Variants in ZMAT4 observed in about 807,000 individuals in gnomAD.
The protein encoded by ZMAT4 is zinc finger matrin-type 4.
A neutral mutation model predicts 28.7 loss-of-function variants in ZMAT4; 17 were observed. The ratio of observed to expected loss-of-function variants is 0.59; its 90% CI spans 0.41 to 0.89. The LOEUF is 0.89. Ranked by LOEUF, ZMAT4 falls within the 40% of genes least tolerant of loss-of-function variation. ZMAT4 has a pLI of 0.00. For missense variants in ZMAT4, 240 were observed against 283.8 expected (o/e 0.85, Z 1.11); for synonymous variants, 117 against 109.2 (o/e 1.07, Z -0.44).
rs532634170 is a variant in ZMAT4, at chr8:40,846,046, A to G, written c.-4-20366T>C. On this transcript the variant is annotated intron_variant, in intron 1 of 6. Transcript: ENST00000297737. ...AGAGCATCTCTACCACAGCCTTCCC[A>G]AGGTATTAGGAGAGACAGCAGCTGG... is the stretch of plus-strand genomic sequence containing the variant. 3.9e-5 allele frequency among the ~76,000 whole-genome samples: 6 copies of G among 152,244 alleles called. No homozygotes were observed. The South Asian group carries it at 1.2e-3, about 32-fold the overall frequency.
At chr8:40,849,554 C>T (rs1476886109) in intron 1 of ZMAT4, among the ~76,000 whole-genome samples, 1 of 152,150 alleles carries the variant, frequency 6.6e-6, no homozygotes, top group Non-Finnish European at 1.5e-5. Context: ...CACACACCTG[C>T]CTGGATTCTC....
chr8:40,808,845 C>T (rs1815199151), intron 2 of ZMAT4, among the ~76,000 whole-genome samples: 1 of 122,686 alleles, frequency 8.2e-6, no homozygotes, highest in Non-Finnish European at 1.8e-5. Context: ...TGGATGCCAA[C>T]TATTTAAAAA....
intron 6 of ZMAT4, among the ~76,000 whole-genome samples, chr8:40,579,425 C>T (rs1393307522): frequency 6.6e-6 from 1 of 152,122 alleles, no homozygotes; most frequent in East Asian, 1.9e-4. Context: ...TGAGCAGTAT[C>T]CGATAATTAA....
At chr8:40,644,088 A>T (rs1372740120) in intron 5 of ZMAT4, among the ~76,000 whole-genome samples, 1 of 152,186 alleles carries the variant, frequency 6.6e-6, no homozygotes, top group African/African-American at 2.4e-5. Context: ...AGTAGAAAAT[A>T]GGTTGAAGAG....
chr8:40,569,583 C>T (rs1250120839), intron 6 of ZMAT4, among the ~76,000 whole-genome samples: 1 of 152,194 alleles, frequency 6.6e-6, no homozygotes, highest in East Asian at 1.9e-4. Context: ...TTACCCATCC[C>T]TGTTTGCCTG....
intron 4 of ZMAT4, among the ~76,000 whole-genome samples, chr8:40,691,475 G>A (rs549528139): frequency 2.6e-5 from 4 of 151,674 alleles, no homozygotes; most frequent in Non-Finnish European, 5.9e-5. Flanking sequence ...GAATGTCACC[G>A]TGTTCAACCT....
intron 2 of ZMAT4, among the ~76,000 whole-genome samples, chr8:40,797,680 G>A (rs962889957): frequency 6.6e-6 from 1 of 152,168 alleles, no homozygotes; most frequent in African/African-American, 2.4e-5. Flanking sequence ...CAGGTCATCG[G>A]AAGAAAGAAA....
chr8:40,567,291 G>A (rs957094695), intron 6 of ZMAT4, among the ~76,000 whole-genome samples: 5 of 152,080 alleles, frequency 3.3e-5, no homozygotes. Flanking sequence ...AAAATACATG[G>A]TTCCTATTTG....
chr8:40,677,791 A>C (rs1030462178), intron 4 of ZMAT4, among the ~76,000 whole-genome samples: 1 of 152,230 alleles, frequency 6.6e-6, no homozygotes, highest in Non-Finnish European at 1.5e-5. Context: ...AAAACACTTT[A>C]GTTGACATGT....
intron 3 of ZMAT4, among the ~76,000 whole-genome samples, chr8:40,702,347 T>A (rs1331727740): frequency 6.6e-6 from 1 of 152,224 alleles, no homozygotes; most frequent in East Asian, 1.9e-4. Context: ...CCTCAATGAA[T>A]ATATTTAAAG....
At chr8:40,663,591 A>G (rs142734831) in intron 5 of ZMAT4, among the ~76,000 whole-genome samples, 1,655 of 152,306 alleles carry the variant, frequency 0.011, 13 homozygotes, top group Non-Finnish European at 0.017. Flanking sequence ...TCCTACCCCA[A>G]TAATATGACA....
intron 2 of ZMAT4, among the ~76,000 whole-genome samples, chr8:40,783,652 C>A (rs547874049): frequency 2.6e-4 from 39 of 152,072 alleles, no homozygotes; most frequent in African/African-American, 9.4e-4. Context: ...ATAAGAGATG[C>A]ATATCTAGGA....
At chr8:40,731,384 GT>G (rs1171993210) in intron 3 of ZMAT4, among the ~76,000 whole-genome samples, 1 of 151,218 alleles carries the variant, frequency 6.6e-6, no homozygotes, top group Non-Finnish European at 1.5e-5. Context: ...CATACTTCAG[GT>G]TGATCCTTGG....
intron 1 of ZMAT4, chr8:40,885,057 C>G (rs942463877): frequency 6.6e-6 from 1 of 152,140 alleles, no homozygotes; most frequent in African/African-American, 2.4e-5. Flanking sequence ...CCTAGGTGAT[C>G]TCACAGACAC....
At chr8:40,660,099 T>C (rs11774525) in intron 5 of ZMAT4, among the ~76,000 whole-genome samples, 127,445 of 152,150 alleles carry the variant, frequency 0.84, 53,636 homozygotes, top group South Asian at 0.9. Context: ...ATATTATTTG[T>C]CATACTTTGT....
chr8:40,639,240 C>T (rs942989211), intron 5 of ZMAT4, among the ~76,000 whole-genome samples: 1 of 152,162 alleles, frequency 6.6e-6, no homozygotes, highest in Non-Finnish European at 1.5e-5. Context: ...CTGCTTTGCA[C>T]AATTTTTAAT....
intron 2 of ZMAT4, among the ~76,000 whole-genome samples, chr8:40,775,975 C>T (rs1813576479): frequency 6.6e-6 from 1 of 152,210 alleles, no homozygotes; most frequent in African/African-American, 2.4e-5. Context: ...CGGCTGTCTA[C>T]ACGCCAGGAG....
rs187816712 is a variant in ZMAT4 at position 40,579,107 on chromosome 8, T to C, written c.674+2058A>G. Among the ~76,000 whole-genome samples the C allele has an allele frequency of 3.9e-5, 6 of 152,244 alleles. No individual in the cohort carries two copies. The East Asian group carries it at 9.7e-4, about 24-fold the overall frequency. On this transcript the variant is annotated intron_variant, in intron 6 of 6. Transcript: ENST00000297737. ...TAGTTAAGGGAATTAAATGAGATAA[T>C]AGATGTGAAAATACCTAGCACAGAT...
intron 1 of ZMAT4, among the ~76,000 whole-genome samples, chr8:40,889,211 T>A (rs1818577119): frequency 6.6e-6 from 1 of 152,208 alleles, no homozygotes. Context: ...GGAACAAGGA[T>A]ATTCCCTGCA....
Sources: allele counts gnomAD v4.1 joint callset (sites outside exome capture counted in the v4.1 genomes callset), GRCh38; gene constraint gnomAD v4.1.1; transcripts MANE v1.5; gene names NCBI Gene and HGNC (gene_info 2026-07-23, HGNC 2026-07-21).